Variants in SBSN observed in about 807,000 individuals in gnomAD.
SBSN encodes HLAR698.
In SBSN, 33 loss-of-function variants were observed where a neutral mutation model predicts 42.8. The observed-to-expected ratio is 0.77, with a 90% CI of 0.58 to 1.03. The LOEUF (loss-of-function observed/expected upper bound fraction) is 1.03. Ranked by LOEUF, SBSN falls within the 50% of genes least tolerant of loss-of-function variation. SBSN has a pLI of 0.00. For synonymous variants in SBSN, 276 were observed against 307.0 expected, an observed-to-expected ratio of 0.90 and a Z score of 1.06; for missense variants, 646 against 757.3, an observed-to-expected ratio of 0.85 and a Z score of 1.72.
At chr19:35,525,811 T>C (rs2071364018) in intron 1 of SBSN, among the ~76,000 whole-genome samples, 1 of 152,076 alleles carries the variant, frequency 6.6e-6, no homozygotes, top group Admixed American at 6.6e-5. Context: ...GCCTTCTGAG[T>C]AGTTGGGATT....
rs144055383 is a variant in SBSN, at chr19:35,526,689, A to G, written c.1593T>C (p.His531=). 4.4e-6 allele frequency: 7 copies of G among 1,600,546 alleles called. No homozygotes were observed. The highest frequency in any genetic ancestry group is 1.7e-5 in the Admixed American group (1 of 57,630). ...GQAGKELQNA[H]NGVNQASKEA... is the part of the protein sequence containing the mutation. ...CCTTGCTGGCTTGGTTGACCCCATT[A>G]TGAGCATTCTGCAGCTCCTTCCCGG... Residue 531 remains histidine, a synonymous_variant, in exon 1 of 4, where the codon CAT becomes CAC. Transcript: ENST00000452271.
chr19:35,527,896 T>C lies in SBSN; in HGVS notation c.386A>G (p.Glu129Gly). 2 of 1,614,154 alleles carry C rather than the reference T, an allele frequency of 1.2e-6. No homozygotes were observed. Among genetic ancestry groups the C allele is most frequent in the Non-Finnish European group, 1.7e-6 (2 of 1,180,042 alleles). ...CCCATGATGGATCAGTTTGTCTGCC[T>C]CCTTCCCAACCTGTCCAGCAGCGTT... ...VNNAAGQVGK[E>G]ADKLIHHGVH... Residue 129 changes from glutamate (E) to glycine (G), a missense_variant, in exon 1 of 4, where the codon GAG becomes GGG. Physicochemically the swap from Glu to Gly is moderately conservative, Grantham distance 98. Transcript: ENST00000452271.
chr19:35,526,456 A>C (rs1600120960), intron 1 of SBSN, among the ~76,000 whole-genome samples, 188 bp downstream of exon 1: 3 of 152,046 alleles, frequency 2.0e-5, no homozygotes, highest in Admixed American at 1.3e-4. Flanking sequence ...ACCCCATCTG[A>C]CCAGCTGCCA....
chr19:35,523,776 G>A (rs2071338361), intron 3 of SBSN, among the ~76,000 whole-genome samples: 1 of 152,204 alleles, frequency 6.6e-6, no homozygotes, highest in African/African-American at 2.4e-5. Flanking sequence ...TAGCCTGAGA[G>A]GATGCTCTGC....
In SBSN at chr19:35,526,797, G is replaced by A. The variant is rs768670640; in HGVS notation, c.1485C>T (p.Gly495=). The change falls in exon 1 of 4, where the codon GGC becomes GGT. Residue 495 remains glycine (G), a synonymous_variant. Transcript: ENST00000452271. ...HQAGKEAEKL[G]QGVNHAADQA... ...GGTCAGCAGCATGGTTGACCCCTTGGCCAAGTTTCTCTGCTTCCTTCCCAG... is the reference window on the plus strand; with the variant it reads ...GGTCAGCAGCATGGTTGACCCCTTGACCAAGTTTCTCTGCTTCCTTCCCAG... 7 of 1,613,736 alleles carry A rather than the reference G, an allele frequency of 4.3e-6. No individual in the cohort carries two copies. Among genetic ancestry groups the A allele is most frequent in the Non-Finnish European group, 5.9e-6 (7 of 1,179,926 alleles).
In SBSN at chr19:35,527,862, G is replaced by A. The variant is rs539406681; in HGVS notation, c.420C>T (p.His140=). 2.0e-5 allele frequency: 32 copies of A among 1,613,850 alleles called. No individual in the cohort carries two copies. The highest frequency in any genetic ancestry group is 1.6e-4 in the Middle Eastern group (1 of 6,062). ...ADKLIHHGVH[H]GANQAGSEAG... The stretch of plus-strand genomic sequence containing the variant: ...CCTCACTTCCCGCCTGGTTGGCCCC[G>A]TGATGGACCCCATGATGGATCAGTT... Residue 140 remains histidine (H), a synonymous_variant, in exon 1 of 4, where the codon CAC becomes CAT. Coordinates refer to ENST00000452271, the MANE Select transcript of SBSN (RefSeq NM_001166034.2).
At position 35,527,388 on chromosome 19, in the gene SBSN, C is replaced by T. The variant is rs760647616; in HGVS notation, c.894G>A (p.Gln298=). Residue 298 remains glutamine, a synonymous_variant, in exon 1 of 4, where the codon CAG becomes CAA. Coordinates refer to ENST00000452271, the MANE Select transcript of SBSN (RefSeq NM_001166034.2). ...QVGKEAEKFG[Q]GAHHAAGQAG... ...CCTGCCCCGCAGCATGGTGGGCCCCCTGGCCAAACTTCTCTGCCTCCTTCC... is the reference window on the plus strand; with the variant it reads ...CCTGCCCCGCAGCATGGTGGGCCCCTTGGCCAAACTTCTCTGCCTCCTTCC... 6.4e-7 allele frequency: 1 copy of T among 1,566,176 alleles called. No homozygotes were observed. The highest frequency in any genetic ancestry group is 8.6e-7 in the Non-Finnish European group (1 of 1,166,178).
intron 3 of SBSN, among the ~76,000 whole-genome samples, 190 bp downstream of exon 3, chr19:35,524,521 G>A (rs933567931): frequency 5.3e-5 from 8 of 152,054 alleles, no homozygotes; most frequent in Non-Finnish European, 1.2e-4. Flanking sequence ...CAAAAGATGA[G>A]GGCAGGGTGC....
intron 1 of SBSN, 46 bp downstream of exon 1, chr19:35,526,598 T>TA: frequency 7.0e-6 from 2 of 284,150 alleles, no homozygotes; most frequent in Non-Finnish European, 1.3e-5. Flanking sequence ...AACCTTTCCC[T>TA]CCCCCAACCC....
rs776832051 is a variant in SBSN at position 35,527,767 on chromosome 19, T to C, written c.515A>G (p.Gln172Arg). 1 of 1,587,724 alleles carries C rather than the reference T, an allele frequency of 6.3e-7. No homozygotes were observed. Among genetic ancestry groups the C allele is most frequent in the Non-Finnish European group, 8.6e-7 (1 of 1,167,220 alleles). ...QAGNEAGRFG[Q>R]GVHHAAGQAG... ...CTGCCCTGCAGCATGGTGGACTCCC[T>C]GGCCAAACCTCCCAGCCTCATTTCC... Residue 172 changes from glutamine (Q) to arginine (R), a missense_variant, in exon 1 of 4, where the codon CAG (glutamine) becomes CGG (arginine). By Grantham distance (43) the Gln-to-Arg change is conservative. This residue lies in a region of SBSN where 220 missense variants were observed against 334.5 expected (regional missense o/e 0.66). Coordinates refer to ENST00000452271, the MANE Select transcript of SBSN (RefSeq NM_001166034.2).
chr19:35,525,296 A>G (rs2285513), intron 1 of SBSN, among the ~76,000 whole-genome samples: 87,077 of 151,718 alleles, frequency 0.57, 25,099 homozygotes, highest in South Asian at 0.61. Context: ...CCCTAACTCC[A>G]CTGATCCTTG....
At chr19:35,526,256 A>G (rs2146282076) in intron 1 of SBSN, among the ~76,000 whole-genome samples, 2 of 152,224 alleles carry the variant, frequency 1.3e-5, no homozygotes, top group Middle Eastern at 3.4e-3. Context: ...TCACTCTCCT[A>G]ACCAGGTTTT....
At position 35,528,258 on chromosome 19, in the gene SBSN, G is replaced by T; in HGVS notation, c.24C>A (p.Gly8=). 6.2e-7 allele frequency: 1 copy of T among 1,612,528 alleles called. No homozygotes were observed. MHLARLV[G]SCSLLLLLGA... is the part of the protein sequence containing the mutation. ...CCAGTAGCAGAAGGAGGGAGCAGGA[G>T]CCGACCAGACGTGCAAGATGCATAT... The change falls in exon 1 of 4, where the codon GGC becomes GGA. Residue 8 remains glycine, a synonymous_variant. Transcript: ENST00000452271.
chr19:35,526,627 C>A lies in SBSN; in HGVS notation c.1638+17G>T. ...CCAACCCCCCTGTCCCCCATCTCCC[C>A]ATCCCTGTTCACCTACATTCAGCAG... On this transcript the variant is annotated intron_variant, in intron 1 of 3. Transcript: ENST00000452271. 6.3e-7 allele frequency: 1 copy of A among 1,580,518 alleles called. No individual in the cohort carries two copies. Among genetic ancestry groups the A allele is most frequent in the Non-Finnish European group, 8.6e-7 (1 of 1,158,718 alleles).
chr19:35,526,614 T>TCCCCCCCCC, intron 1 of SBSN, 30 bp downstream of exon 1: 1 of 418,514 alleles, frequency 2.4e-6, no homozygotes, highest in Non-Finnish European at 4.5e-6. Context: ...AACCCCCCTG[T>TCCCCCCCCC]CCCCCATCTC....
At chr19:35,523,758 C>T (rs1330615477) in intron 3 of SBSN, among the ~76,000 whole-genome samples, 1 of 152,172 alleles carries the variant, frequency 6.6e-6, no homozygotes, top group Non-Finnish European at 1.5e-5. Flanking sequence ...CAACAAGCCT[C>T]GTGTGTTTAG....
In SBSN at chr19:35,527,091, C is replaced by A. The variant is rs767429006; in HGVS notation, c.1191G>T (p.Val397=). The A allele has an allele frequency of 3.3e-6, 5 of 1,536,444 alleles. No individual in the cohort carries two copies. The Admixed American group carries it at 9.8e-5, about 30-fold the overall frequency. ...GQGVHHAASQ[V]GKEEDRVVQG... is the part of the protein sequence containing the mutation. ...GGACCACTCTGTCTTCCTCCTTCCC[C>A]ACCTGCGAGGCAGCATGGTGGACAC... Residue 397 remains valine (V), a synonymous_variant, in exon 1 of 4, where the codon GTG becomes GTT. Coordinates refer to ENST00000452271, the MANE Select transcript of SBSN (RefSeq NM_001166034.2).
At position 35,528,068 on chromosome 19, in the gene SBSN, G is replaced by A; in HGVS notation, c.214C>T (p.Leu72Phe). 6.2e-7 allele frequency: 1 copy of A among 1,613,922 alleles called. No homozygotes were observed. The change falls in exon 1 of 4, where the codon CTT becomes TTT. Residue 72 changes from leucine to phenylalanine, a missense_variant. Physicochemically the swap from Leu to Phe is conservative, Grantham distance 22. Around this residue, in one of 3 missense-constraint regions of SBSN, gnomAD observed 190 missense variants for 197.1 expected, o/e 0.96. Transcript: ENST00000452271. ...CCGGTGTGGCTCCCCATGTTGCTAA[G>A]TCCGTTGAAAACCTTCTCCACTTCC... ...GREVEKVFNGLSNMGSHTGKE... is the reference protein window; with the variant it reads ...GREVEKVFNGFSNMGSHTGKE...
At position 35,526,673 on chromosome 19, in the gene SBSN, C is replaced by T. The variant is rs755698723; in HGVS notation, c.1609G>A (p.Ala537Thr). Reference sequence around the variant, plus strand: ...AGCAGCTGGTTGGCCTCCTTGCTGGCTTGGTTGACCCCATTATGAGCATTC... The same window carrying T: ...AGCAGCTGGTTGGCCTCCTTGCTGGTTTGGTTGACCCCATTATGAGCATTC... The part of the protein sequence containing the change: ...LQNAHNGVNQ[A>T]SKEANQLLNG... Residue 537 changes from alanine to threonine, a missense_variant, in exon 1 of 4, where the codon GCC (alanine) becomes ACC (threonine). By Grantham distance (58) the Ala-to-Thr change is moderately conservative. Coordinates refer to ENST00000452271, the MANE Select transcript of SBSN (RefSeq NM_001166034.2). 7.3e-7 allele frequency: 1 copy of T among 1,367,850 alleles called. No individual in the cohort carries two copies. The highest frequency in any genetic ancestry group is 9.7e-7 in the Non-Finnish European group (1 of 1,026,144). The allele number at this position is 1,367,850 out of a possible 1,614,324, so 84.7% of individuals were successfully genotyped here. A position where few individuals can be genotyped will look rare whatever the true frequency, so the allele number is the denominator to read the frequency against.
Sources: allele counts gnomAD v4.1 joint callset (sites outside exome capture counted in the v4.1 genomes callset), GRCh38; gene constraint gnomAD v4.1.1; regional missense constraint gnomAD v4.1.1; transcripts MANE v1.5; gene names NCBI Gene and HGNC (gene_info 2026-07-23, HGNC 2026-07-21).